Variants in DCDC1 observed in about 807,000 individuals in gnomAD.
DCDC1 encodes the protein doublecortin domain-containing protein 1.
A neutral mutation model predicts 178.3 loss-of-function variants in DCDC1; 200 were observed. That is an observed-to-expected ratio of 1.12 (90% CI 1.00 to 1.26). DCDC1 has a LOEUF of 1.26. Among genes scored for constraint, DCDC1 ranks in the 50% most tolerant of loss-of-function variants. DCDC1 has a pLI of 0.00. For missense variants in DCDC1, 1,983 were observed against 1,749.2 expected, an observed-to-expected ratio of 1.13 and a Z score of -2.38; for synonymous variants, 690 against 604.8, an observed-to-expected ratio of 1.14 and a Z score of -2.07.
chr11:30,942,609 G>A (rs886603286), intron 21 of DCDC1, among the ~76,000 whole-genome samples: 1 of 152,158 alleles, frequency 6.6e-6, no homozygotes, highest in African/African-American at 2.4e-5. Context: ...TCCCAAGTAT[G>A]CTATATTTCT....
chr11:30,961,448 T>G (rs991129355), intron 20 of DCDC1, among the ~76,000 whole-genome samples: 1 of 152,072 alleles, frequency 6.6e-6, no homozygotes. Flanking sequence ...AAATAAGCAG[T>G]GTCTAACAAA....
intron 18 of DCDC1, among the ~76,000 whole-genome samples, chr11:31,069,041 C>A (rs1343136781): frequency 6.6e-6 from 1 of 151,870 alleles, no homozygotes; most frequent in Non-Finnish European, 1.5e-5. Context: ...TTAGTAGAGA[C>A]AGGGTTTCAC....
intron 20 of DCDC1, among the ~76,000 whole-genome samples, chr11:31,048,074 T>C (rs1241992950): frequency 6.6e-6 from 1 of 152,196 alleles, no homozygotes; most frequent in Non-Finnish European, 1.5e-5. Flanking sequence ...CCCTCTTTTG[T>C]ATTTGAGGAA....
intron 38 of DCDC1, among the ~76,000 whole-genome samples, chr11:30,872,658 C>T (rs531403856): frequency 6.6e-6 from 1 of 152,128 alleles, no homozygotes; most frequent in East Asian, 1.9e-4. Flanking sequence ...CTACGACAAC[C>T]CTCATTCTGC....
chr11:31,050,191 C>A (rs1955148181), intron 20 of DCDC1, among the ~76,000 whole-genome samples: 1 of 152,138 alleles, frequency 6.6e-6, no homozygotes. Flanking sequence ...ATGGGCCCTT[C>A]AGTTTGCATG....
intron 9 of DCDC1, among the ~76,000 whole-genome samples, chr11:31,223,280 A>T (rs936362548): frequency 1.3e-5 from 2 of 152,154 alleles, no homozygotes; most frequent in Admixed American, 1.3e-4. Flanking sequence ...CATTGCTCAG[A>T]CATATCATTA....
intron 1 of DCDC1, among the ~76,000 whole-genome samples, chr11:31,366,716 T>A (rs1468583731): frequency 6.6e-6 from 1 of 152,198 alleles, no homozygotes; most frequent in Non-Finnish European, 1.5e-5. Context: ...GAGACAATGA[T>A]TATTGTCAAA....
chr11:30,874,271 T>C (rs991120514), intron 38 of DCDC1, among the ~76,000 whole-genome samples: 89 of 152,280 alleles, frequency 5.8e-4, no homozygotes, highest in African/African-American at 2.0e-3. Context: ...AGATTCCTTA[T>C]ACCTTAGGCA....
chr11:31,073,104 T>A (rs572703051), intron 18 of DCDC1, among the ~76,000 whole-genome samples: 179 of 152,286 alleles, frequency 1.2e-3, no homozygotes, highest in Non-Finnish European at 1.7e-3. Context: ...TTAGAGCTAA[T>A]CAAAATTTCT....
rs772319530 is a variant in DCDC1, at chr11:31,091,393, C to A, written c.2237G>T (p.Arg746Ile). 1.4e-6 allele frequency: 1 copy of A among 733,684 alleles called. No homozygotes were observed. Among genetic ancestry groups the A allele is most frequent in the Non-Finnish European group, 2.5e-6 (1 of 400,228 alleles). 45.4% of individuals were successfully genotyped at this position (733,684 alleles called of 1,614,324 possible). The change falls in exon 17 of 39, where the codon AGA (arginine) becomes ATA (isoleucine). Residue 746 changes from arginine (R) to isoleucine (I), a missense_variant and splice_region_variant. Physicochemically the swap from Arg to Ile is moderately conservative, Grantham distance 97 (BLOSUM62 -3). Transcript: ENST00000684477. ...GAGCTAAATAATTTATAAGCATTAC[C>A]TTTTCTGTAAGATTAATTTATATCC... ...LEGYKLILQK[R>I]HSGDDSQKWV...
intron 24 of DCDC1, among the ~76,000 whole-genome samples, chr11:30,922,087 A>G (rs1946287208): frequency 6.6e-6 from 1 of 152,230 alleles, no homozygotes; most frequent in African/African-American, 2.4e-5. Context: ...GACTTCAGAC[A>G]GTAGAGCCCA....
At chr11:31,133,272 C>T (rs1315418528) in intron 10 of DCDC1, among the ~76,000 whole-genome samples, 1 of 152,122 alleles carries the variant, frequency 6.6e-6, no homozygotes, top group African/African-American at 2.4e-5. Context: ...GAGCACTTTG[C>T]ACAGAACTGT....
chr11:31,249,999 G>A (rs1237389780), intron 8 of DCDC1, among the ~76,000 whole-genome samples: 15 of 151,960 alleles, frequency 9.9e-5, no homozygotes, highest in Non-Finnish European at 1.8e-4. Flanking sequence ...CATGGAGAGA[G>A]ATTCAAGCTC....
At chr11:31,164,685 A>G (rs1205286888) in intron 9 of DCDC1, among the ~76,000 whole-genome samples, 1 of 152,234 alleles carries the variant, frequency 6.6e-6, no homozygotes, top group African/African-American at 2.4e-5. Flanking sequence ...AAACCTTTTT[A>G]AAATTAAAAA....
At chr11:31,070,871 G>T (rs1298735407) in intron 18 of DCDC1, among the ~76,000 whole-genome samples, 1 of 152,014 alleles carries the variant, frequency 6.6e-6, no homozygotes, top group East Asian at 1.9e-4. Context: ...TGTCCTCAAG[G>T]GAAGTATGGC....
Position 31,284,645 on chromosome 11 carries a change from C to CT in DCDC1, c.960+6001dup, listed in dbSNP as rs879384797. ...TTCAAATTTAATATCATGTTTATGT[C>CT]TTTTTTTTTTTTAAATGGAGTCTTG... is the stretch of plus-strand genomic sequence containing the variant. On this transcript the variant is annotated intron_variant, in intron 7 of 38. Transcript: ENST00000684477. 7.3e-3 allele frequency among the ~76,000 whole-genome samples: 1,058 copies of CT among 144,762 alleles called. 13 individuals are homozygous for CT. Among genetic ancestry groups the CT allele is most frequent in the African/African-American group, 0.014 (573 of 39,646 alleles). 95.0% of individuals were successfully genotyped at this position (144,762 alleles called of 152,430 possible).
At chr11:31,236,323 G>A (rs1427667319) in intron 9 of DCDC1, among the ~76,000 whole-genome samples, 1 of 151,882 alleles carries the variant, frequency 6.6e-6, no homozygotes, top group Non-Finnish European at 1.5e-5. Flanking sequence ...AACATTTTAT[G>A]TGCCATGGAT....
chr11:30,884,801 A>C (rs2133995210), intron 36 of DCDC1, among the ~76,000 whole-genome samples: 1 of 152,190 alleles, frequency 6.6e-6, no homozygotes, highest in Admixed American at 6.5e-5. Context: ...ATGTAAAAAA[A>C]TACAAAAATA....
chr11:31,029,396 T>C (rs1432413039), intron 20 of DCDC1, among the ~76,000 whole-genome samples: 4 of 152,132 alleles, frequency 2.6e-5, no homozygotes, highest in East Asian at 1.9e-4. Flanking sequence ...TTCTGTTAAG[T>C]GGCTCTTTAA....
Sources: allele counts gnomAD v4.1 joint callset (sites outside exome capture counted in the v4.1 genomes callset), GRCh38; gene constraint gnomAD v4.1.1; transcripts MANE v1.5; gene names NCBI Gene and HGNC (gene_info 2026-07-23, HGNC 2026-07-21).